Variants in ADD2 observed in about 807,000 individuals in gnomAD.
ADD2 encodes beta-adducin.
Under a neutral mutation model 83.0 loss-of-function variants are expected in ADD2, and 23 were observed. The ratio of observed to expected loss-of-function variants is 0.28; its 90% CI spans 0.20 to 0.39. The LOEUF is 0.39. ADD2 is among the 10% of genes least tolerant of loss of function. The probability of loss-of-function intolerance (pLI) is 1.00; values close to 1 mark genes in which losing one functional copy is unlikely to be tolerated. For missense variants in ADD2, 758 were observed against 944.9 expected (o/e 0.80, Z 2.59); for synonymous variants, 375 against 375.4 (o/e 1.00, Z 0.01).
In ADD2 at chr2:70,660,936, T is replaced by C. The variant is rs187414487; in HGVS notation, c.*2489A>G. 6 of 152,366 alleles carry C rather than the reference T, an allele frequency of 3.9e-5. No individual in the cohort carries two copies. The highest frequency in any genetic ancestry group is 2.6e-4 in the Admixed American group (4 of 15,310). 9.4% of individuals were successfully genotyped at this position (152,366 alleles called of 1,614,324 possible). ...TACACCTCCTATGCTCATGAACTTC[T>C]TGAGGGCAGGAACTATGCCTATCCT... is the stretch of plus-strand genomic sequence containing the variant. On this transcript the variant is annotated 3_prime_UTR_variant, in exon 16 of 16. Coordinates refer to ENST00000264436, the MANE Select transcript of ADD2 (RefSeq NM_001617.4).
rs141511614 is a variant in ADD2 at position 70,670,824 on chromosome 2, G to A, written c.1870+2054C>T. Among the ~76,000 whole-genome samples, 380 of 152,304 alleles carry A rather than the reference G, an allele frequency of 2.5e-3. 1 individual carries two copies. Among genetic ancestry groups the A allele is most frequent in the African/African-American group, 8.5e-3 (354 of 41,556 alleles). ...CCACCCAACTACAGCTTGTGTCCTCGTCATGCAGGGTCTGCTCCAAGGTGC... is the reference window on the plus strand; with the variant it reads ...CCACCCAACTACAGCTTGTGTCCTCATCATGCAGGGTCTGCTCCAAGGTGC... On this transcript the variant is annotated intron_variant, in intron 15 of 15. Coordinates refer to ENST00000264436, the MANE Select transcript of ADD2 (RefSeq NM_001617.4).
chr2:70,691,461 C>T (rs1191242935), intron 7 of ADD2: 1 of 152,292 alleles, frequency 6.6e-6, no homozygotes, highest in Admixed American at 6.5e-5. Context: ...TATAAAGGTC[C>T]CACTTCAAAA....
intron 1 of ADD2, among the ~76,000 whole-genome samples, chr2:70,719,416 T>C (rs1199396868): frequency 6.6e-6 from 1 of 152,170 alleles, no homozygotes; most frequent in Admixed American, 6.5e-5. Flanking sequence ...TGGTATAGGT[T>C]CATGAAGGTC....
chr2:70,724,851 G>T (rs3771432), intron 1 of ADD2, among the ~76,000 whole-genome samples: 1 of 152,060 alleles, frequency 6.6e-6, no homozygotes, highest in Non-Finnish European at 1.5e-5. Context: ...GGACAGGACA[G>T]ATGCCCACAC....
chr2:70,666,640 G>C (rs557147740), intron 15 of ADD2, among the ~76,000 whole-genome samples: 2 of 152,316 alleles, frequency 1.3e-5, no homozygotes, highest in African/African-American at 4.8e-5. Flanking sequence ...TTTCCTGCCT[G>C]GTGGCAATGA....
At chr2:70,677,923 A>C in intron 11 of ADD2, 46 bp from the exon 12 acceptor site, 1 of 1,612,086 alleles carries the variant, frequency 6.2e-7, no homozygotes, top group East Asian at 2.2e-5. Context: ...GAACAGGCCC[A>C]TGAGTCCTCC....
At chr2:70,664,720 AGT>A (rs1179233010) in intron 15 of ADD2, among the ~76,000 whole-genome samples, 14 of 150,292 alleles carry the variant, frequency 9.3e-5, no homozygotes, top group Non-Finnish European at 1.8e-4. Flanking sequence ...AGTGTGTACA[AGT>A]GTGTGTGAGT....
intron 15 of ADD2, among the ~76,000 whole-genome samples, chr2:70,666,249 G>C (rs1553366151): frequency 1.3e-5 from 2 of 152,220 alleles, no homozygotes; most frequent in African/African-American, 4.8e-5. Context: ...AATGGTTGAA[G>C]GCATGAGCAA....
chr2:70,704,270 C>G, intron 4 of ADD2, 51 bp downstream of exon 4: 1 of 1,228,716 alleles, frequency 8.1e-7, no homozygotes, highest in Non-Finnish European at 1.1e-6. Flanking sequence ...TCTTCCCCAC[C>G]CCACCCTCCC....
intron 1 of ADD2, among the ~76,000 whole-genome samples, chr2:70,763,679 GGTAA>G (rs1252993111): frequency 6.6e-6 from 1 of 151,786 alleles, no homozygotes; most frequent in Non-Finnish European, 1.5e-5. Flanking sequence ...TATTGCAATA[GGTAA>G]GTCTTTCACA....
At position 70,758,965 on chromosome 2, in the gene ADD2, C is replaced by T. The variant is rs558884564; in HGVS notation, c.-154+8921G>A. On this transcript the variant is annotated intron_variant, in intron 1 of 15. Coordinates refer to ENST00000264436, the MANE Select transcript of ADD2 (RefSeq NM_001617.4). ...CAGGCAGAATGGAAGGCAACATCGA[C>T]ATGGAAACCAAAGTCTAGCCTGGAC... Among the ~76,000 whole-genome samples, 15 of 152,212 alleles carry T rather than the reference C, an allele frequency of 9.9e-5. No homozygotes were observed. In the South Asian group the frequency reaches 2.9e-3, roughly 29 times the overall value.
chr2:70,706,123 C>T lies in ADD2; in HGVS notation c.183+103G>A. On this transcript the variant is annotated intron_variant, in intron 3 of 15. Coordinates refer to ENST00000264436, the MANE Select transcript of ADD2 (RefSeq NM_001617.4). This position sits in a 1 kb window ranked among gnomAD's most constrained non-coding sequence, Gnocchi z 5.0. ...CTCAGTGGGCTTACATTTCTACTGA[C>T]CCTGAGCAAGGGAAAGAGGAGTTAC... 1 of 1,270,636 alleles carries T rather than the reference C, an allele frequency of 7.9e-7. No homozygotes were observed. The allele number at this position is 1,270,636 out of a possible 1,614,324, so 78.7% of individuals were successfully genotyped here. A position where few individuals can be genotyped will look rare whatever the true frequency, so the allele number is the denominator to read the frequency against.
At chr2:70,702,198 GCT>G (rs1286010471) in intron 4 of ADD2, among the ~76,000 whole-genome samples, 1 of 152,158 alleles carries the variant, frequency 6.6e-6, no homozygotes, top group Non-Finnish European at 1.5e-5. Flanking sequence ...ATGGAATCTT[GCT>G]CTGTCACTCA....
intron 1 of ADD2, among the ~76,000 whole-genome samples, chr2:70,714,842 T>C (rs1199813574): frequency 6.6e-6 from 1 of 152,222 alleles, no homozygotes; most frequent in Non-Finnish European, 1.5e-5. Context: ...CTGCTAAGAT[T>C]TGAATTTTCA....
rs782032886 is a variant in ADD2 at position 70,676,690 on chromosome 2, G to GGAA, written c.1593+103_1593+105dup. ...GAGCACCGGCACCCAAGATCACAGGGGAAGGTGGGTATGAGGACTCAGGGG... is the reference window on the plus strand; with the variant it reads ...GAGCACCGGCACCCAAGATCACAGGGGAAGAAGGTGGGTATGAGGACTCAGGGG... On this transcript the variant is annotated intron_variant, in intron 13 of 15. Transcript: ENST00000264436. The surrounding 1 kb of genome is among the most constrained non-coding windows in gnomAD (Gnocchi z 4.8). 6.5e-6 allele frequency: 10 copies of GGAA among 1,541,910 alleles called. No individual in the cohort carries two copies. The highest frequency in any genetic ancestry group is 8.8e-6 in the Non-Finnish European group (10 of 1,138,176).
At chr2:70,736,649 C>A (rs868948497) in intron 1 of ADD2, among the ~76,000 whole-genome samples, 18 of 152,160 alleles carry the variant, frequency 1.2e-4, no homozygotes, top group South Asian at 2.1e-4. Flanking sequence ...ACTTCTAGAA[C>A]TTTTCATATA....
chr2:70,720,117 C>T (rs1672663510), intron 1 of ADD2, among the ~76,000 whole-genome samples: 1 of 152,146 alleles, frequency 6.6e-6, no homozygotes, highest in East Asian at 1.9e-4. Flanking sequence ...GGGCATTTCC[C>T]CCCACTGTTT....
chr2:70,707,014 G>T (rs574496656), intron 2 of ADD2, among the ~76,000 whole-genome samples: 3 of 152,084 alleles, frequency 2.0e-5, no homozygotes, highest in Admixed American at 6.6e-5. Context: ...AAAAAATTAT[G>T]GTGGGAAATT....
intron 15 of ADD2, among the ~76,000 whole-genome samples, chr2:70,667,415 T>G (rs923199992): frequency 3.2e-4 from 49 of 152,162 alleles, no homozygotes; most frequent in African/African-American, 1.2e-3. Context: ...GGGGGGCTTC[T>G]GTGGGAGGCG....
Sources: allele counts gnomAD v4.1 joint callset (sites outside exome capture counted in the v4.1 genomes callset), GRCh38; gene constraint gnomAD v4.1.1; non-coding constraint Gnocchi (gnomAD v3.1); transcripts MANE v1.5; gene names NCBI Gene and HGNC (gene_info 2026-07-23, HGNC 2026-07-21).